The following PKIA variants were observed in gnomAD, a reference collection of about 807,000 sequenced individuals.
PKIA encodes the protein cAMP-dependent protein kinase inhibitor alpha, also known as PKI-alpha.
Under a neutral mutation model 7.6 loss-of-function variants are expected in PKIA, and 4 were observed. That is an observed-to-expected ratio of 0.52 (90% CI 0.26 to 1.20). The LOEUF is 1.20. PKIA is among the 50% of genes most tolerant of loss of function. PKIA has a pLI of 0.13. For synonymous variants in PKIA, 21 were observed against 30.7 expected, an observed-to-expected ratio of 0.68 and a Z score of 1.04; for missense variants, 73 against 86.2, an observed-to-expected ratio of 0.85 and a Z score of 0.61.
chr8:78,604,578 G>A lies in PKIA; in HGVS notation c.*2757G>A. 6.6e-6 allele frequency: 1 copy of A among 151,822 alleles called. No individual in the cohort carries two copies. The highest frequency in any genetic ancestry group is 1.5e-5 in the Non-Finnish European group (1 of 67,928). 9.4% of individuals were successfully genotyped at this position (151,822 alleles called of 1,614,324 possible). Reference sequence around the variant, plus strand: ...CACAGATATGAGTAGGTCACATAAAGTATATCTTTTTTAAAAAAAAGAAAT... The same window carrying A: ...CACAGATATGAGTAGGTCACATAAAATATATCTTTTTTAAAAAAAAGAAAT... On this transcript the variant is annotated 3_prime_UTR_variant, in exon 4 of 4. Coordinates refer to ENST00000396418, the MANE Select transcript of PKIA (RefSeq NM_006823.4).
intron 1 of PKIA, among the ~76,000 whole-genome samples, chr8:78,570,580 A>G (rs964390185): frequency 4.6e-5 from 7 of 152,174 alleles, no homozygotes; most frequent in Non-Finnish European, 1.0e-4. Context: ...TTATGCAAAT[A>G]AACCTTTCTA....
chr8:78,552,641 C>T (rs1375918850), intron 1 of PKIA, among the ~76,000 whole-genome samples: 1 of 151,980 alleles, frequency 6.6e-6, no homozygotes, highest in African/African-American at 2.4e-5. Context: ...AATGGTGAAA[C>T]ATAATTGAGC....
At chr8:78,588,472 T>C (rs557997434) in intron 2 of PKIA, among the ~76,000 whole-genome samples, 8 of 151,714 alleles carry the variant, frequency 5.3e-5, no homozygotes, top group South Asian at 2.1e-4. Flanking sequence ...AAGAGCAAAA[T>C]TGCATCTCAA....
At chr8:78,548,384 CT>C (rs1474803186) in intron 1 of PKIA, among the ~76,000 whole-genome samples, 2 of 152,128 alleles carry the variant, frequency 1.3e-5, no homozygotes, top group African/African-American at 4.8e-5. Context: ...AAGACCCAAT[CT>C]AACTTTCCTT....
At chr8:78,587,668 TA>T (rs1478204469) in intron 2 of PKIA, among the ~76,000 whole-genome samples, 17 of 152,188 alleles carry the variant, frequency 1.1e-4, no homozygotes, top group Non-Finnish European at 2.4e-4. Flanking sequence ...ATAAAAAACT[TA>T]AAAGAGGAAG....
At chr8:78,558,855 T>C (rs939087224) in intron 1 of PKIA, among the ~76,000 whole-genome samples, 2 of 152,224 alleles carry the variant, frequency 1.3e-5, no homozygotes, top group Non-Finnish European at 2.9e-5. Flanking sequence ...ATAATAATGC[T>C]AGTCAGCAGT....
chr8:78,551,327 T>C (rs1806977842), intron 1 of PKIA, among the ~76,000 whole-genome samples: 1 of 152,068 alleles, frequency 6.6e-6, no homozygotes, highest in African/African-American at 2.4e-5. Context: ...ATGTCTAATG[T>C]ATGGTATATG....
rs200337628 is a variant in PKIA, at chr8:78,554,401, G to A, written c.-156-18410G>A. On this transcript the variant is annotated intron_variant, in intron 1 of 3. Transcript: ENST00000396418. ...AGCTTTTAACAGAGAACACCTGAGA[G>A]GAAAGCCACCAATATTTAAATCCAG... Among the ~76,000 whole-genome samples, 19 of 151,994 alleles carry A rather than the reference G, an allele frequency of 1.3e-4. No homozygotes were observed. The East Asian group carries it at 3.7e-3, about 29-fold the overall frequency.
intron 1 of PKIA, among the ~76,000 whole-genome samples, chr8:78,522,512 A>T (rs1327479486): frequency 6.6e-6 from 1 of 152,000 alleles, no homozygotes; most frequent in Non-Finnish European, 1.5e-5. Context: ...GAACCCTTTC[A>T]TACTATCTTA....
intron 1 of PKIA, among the ~76,000 whole-genome samples, chr8:78,540,370 T>C (rs1806650961): frequency 6.6e-6 from 1 of 151,990 alleles, no homozygotes; most frequent in Non-Finnish European, 1.5e-5. Flanking sequence ...TATCCACATC[T>C]ATTTTGGATG....
chr8:78,594,888 G>A (rs1403071265), intron 2 of PKIA, among the ~76,000 whole-genome samples: 2 of 152,190 alleles, frequency 1.3e-5, no homozygotes, highest in East Asian at 1.9e-4. Flanking sequence ...TCTTCTCAGA[G>A]GAAGATGCAG....
chr8:78,530,911 T>A (rs1484349980), intron 1 of PKIA, among the ~76,000 whole-genome samples: 2 of 152,204 alleles, frequency 1.3e-5, no homozygotes, highest in Non-Finnish European at 2.9e-5. Context: ...AGGATAAAAT[T>A]TTTTGAAAAC....
chr8:78,517,477 A>G (rs1809337420), intron 1 of PKIA, among the ~76,000 whole-genome samples: 1 of 152,242 alleles, frequency 6.6e-6, no homozygotes, highest in Non-Finnish European at 1.5e-5. Flanking sequence ...ATTTTGAGAC[A>G]GCTAGCTGTT....
At chr8:78,550,146 AAAAGG>A (rs1806947547) in intron 1 of PKIA, among the ~76,000 whole-genome samples, 1 of 152,118 alleles carries the variant, frequency 6.6e-6, no homozygotes, top group Admixed American at 6.6e-5. Context: ...CTGCTGAAAT[AAAAGG>A]GAGGCAAGTT....
chr8:78,580,886 T>C (rs1374638296), intron 2 of PKIA, among the ~76,000 whole-genome samples: 1 of 152,032 alleles, frequency 6.6e-6, no homozygotes. Flanking sequence ...TTAGCAAATA[T>C]AGAATTAAAC....
In PKIA at chr8:78,603,420, C is replaced by T. The variant is rs1381640208; in HGVS notation, c.*1599C>T. ...ATACAGGATAAAAGGTAAGTCTGCT[C>T]ACTTCTCCTTCTACAGGGCATTTCA... On this transcript the variant is annotated 3_prime_UTR_variant, in exon 4 of 4. Transcript: ENST00000396418. 3 of 151,940 alleles carry T rather than the reference C, an allele frequency of 2.0e-5. No individual in the cohort carries two copies. The highest frequency in any genetic ancestry group is 4.4e-5 in the Non-Finnish European group (3 of 67,938). 9.4% of individuals were successfully genotyped at this position (151,940 alleles called of 1,614,324 possible). A position where few individuals can be genotyped will look rare whatever the true frequency, so the allele number is the denominator to read the frequency against.
chr8:78,528,157 C>T (rs540308874), intron 1 of PKIA, among the ~76,000 whole-genome samples: 98 of 151,860 alleles, frequency 6.5e-4, no homozygotes, highest in Non-Finnish European at 1.3e-3. Flanking sequence ...AGGACATAGG[C>T]GAAAAATACT....
intron 1 of PKIA, among the ~76,000 whole-genome samples, chr8:78,554,820 T>C (rs1466493787): frequency 6.6e-6 from 1 of 152,096 alleles, no homozygotes; most frequent in Non-Finnish European, 1.5e-5. Context: ...CATCATATAT[T>C]GCAGTAGTAA....
chr8:78,562,255 A>T (rs1807303699), intron 1 of PKIA, among the ~76,000 whole-genome samples: 1 of 152,188 alleles, frequency 6.6e-6, no homozygotes, highest in Non-Finnish European at 1.5e-5. Flanking sequence ...GACTAATGGT[A>T]ATCATCAGTG....
Sources: allele counts gnomAD v4.1 joint callset (sites outside exome capture counted in the v4.1 genomes callset), GRCh38; gene constraint gnomAD v4.1.1; transcripts MANE v1.5; gene names NCBI Gene and HGNC (gene_info 2026-07-23, HGNC 2026-07-21).